Variants in SYN3 observed in about 807,000 individuals in gnomAD.
The protein encoded by SYN3 is synapsin III, also known as synapsin-3.
SYN3 carries 35 observed loss-of-function variants against 65.8 expected under a neutral mutation model. The ratio of observed to expected loss-of-function variants is 0.53; its 90% CI spans 0.41 to 0.70. The LOEUF is 0.70. Ranked by LOEUF, SYN3 falls within the 30% of genes least tolerant of loss-of-function variation. The pLI is 0.00. For synonymous variants in SYN3, 270 were observed against 292.9 expected (o/e 0.92, Z 0.80); for missense variants, 680 against 749.0 (o/e 0.91, Z 1.08).
chr22:32,590,782 T>G (rs2059117224), intron 7 of SYN3, among the ~76,000 whole-genome samples: 1 of 152,262 alleles, frequency 6.6e-6, no homozygotes, highest in Non-Finnish European at 1.5e-5. Flanking sequence ...AAGTTGAGCC[T>G]ATTTTCATCT....
intron 6 of SYN3, among the ~76,000 whole-genome samples, chr22:32,807,389 T>G (rs2046787109): frequency 9.8e-6 from 1 of 102,320 alleles, no homozygotes; most frequent in Non-Finnish European, 1.9e-5. Flanking sequence ...ATATATATTA[T>G]ATATAATATA....
intron 6 of SYN3, among the ~76,000 whole-genome samples, chr22:32,798,913 G>A (rs918838762): frequency 6.6e-6 from 1 of 151,822 alleles, no homozygotes; most frequent in Admixed American, 6.6e-5. Context: ...GGATGGTCTC[G>A]ATCTCCTGAC....
chr22:32,962,801 CATCTATCTATCTATCTATCT>C (rs56349346), intron 3 of SYN3, among the ~76,000 whole-genome samples: 10,091 of 146,540 alleles, frequency 0.069, 1,115 homozygotes, highest in African/African-American at 0.23. Context: ...AGAGTATCGG[CATCTATCTATCTATCTATCT>C]ATCTATCTAT....
chr22:32,892,962 C>G (rs1270881853), intron 4 of SYN3, among the ~76,000 whole-genome samples: 1 of 152,074 alleles, frequency 6.6e-6, no homozygotes, highest in Non-Finnish European at 1.5e-5. Flanking sequence ...TAAAGAGAAG[C>G]TTGGGAGAAG....
At chr22:32,530,770 C>T (rs943944206) in intron 10 of SYN3, among the ~76,000 whole-genome samples, 7 of 151,712 alleles carry the variant, frequency 4.6e-5, no homozygotes, top group South Asian at 2.1e-4. Context: ...TTTGGGAGGC[C>T]GGGGCGGGCG....
At chr22:32,580,811 A>G (rs924657918) in intron 7 of SYN3, among the ~76,000 whole-genome samples, 1 of 152,202 alleles carries the variant, frequency 6.6e-6, no homozygotes, top group Admixed American at 6.5e-5. Flanking sequence ...CAAAGCCTCA[A>G]ATAGGTAGCA....
At chr22:32,741,164 C>A (rs1396753291) in intron 6 of SYN3, among the ~76,000 whole-genome samples, 1 of 152,076 alleles carries the variant, frequency 6.6e-6, no homozygotes, top group East Asian at 1.9e-4. Context: ...CTGGTACTTA[C>A]AGACATGAGC....
At chr22:32,753,655 G>A (rs1006515544) in intron 6 of SYN3, among the ~76,000 whole-genome samples, 1 of 152,258 alleles carries the variant, frequency 6.6e-6, no homozygotes. Context: ...ACACTCCAAA[G>A]GAATCTTTAT....
At chr22:32,860,923 T>C (rs1218280120) in intron 6 of SYN3, 1 of 151,468 alleles carries the variant, frequency 6.6e-6, no homozygotes, top group African/African-American at 2.4e-5. Flanking sequence ...GTTTTTTTTT[T>C]TTTTTTTGAA....
At chr22:32,906,232 C>G (rs2049899008) in intron 4 of SYN3, among the ~76,000 whole-genome samples, 1 of 152,194 alleles carries the variant, frequency 6.6e-6, no homozygotes, top group Non-Finnish European at 1.5e-5. Flanking sequence ...CTGGGACCCT[C>G]TGCAACACAG....
chr22:32,513,671 C>T lies in SYN3; in HGVS notation c.*21G>A, dbSNP rs1033219688. Reference sequence around the variant, plus strand: ...GGGACGAGTGTAGCAGAGCACTCTTCCCCTCCCAGCCTGGATGGCGTTAGT... The same window carrying T: ...GGGACGAGTGTAGCAGAGCACTCTTTCCCTCCCAGCCTGGATGGCGTTAGT... On this transcript the variant is annotated 3_prime_UTR_variant, in exon 14 of 14. Coordinates refer to ENST00000358763, the MANE Select transcript of SYN3 (RefSeq NM_003490.4). 2 of 1,612,966 alleles carry T rather than the reference C, an allele frequency of 1.2e-6. No homozygotes were observed. Among genetic ancestry groups the T allele is most frequent in the East Asian group, 2.2e-5 (1 of 44,876 alleles).
chr22:32,918,732 AG>A (rs764296345), intron 4 of SYN3, among the ~76,000 whole-genome samples: 2 of 152,190 alleles, frequency 1.3e-5, no homozygotes, highest in Non-Finnish European at 2.9e-5. Context: ...GAAATGTTTC[AG>A]GAAGAAGGAG....
intron 6 of SYN3, among the ~76,000 whole-genome samples, chr22:32,604,787 C>T (rs957686173): frequency 2.0e-4 from 30 of 152,032 alleles, no homozygotes; most frequent in Admixed American, 3.3e-4. Context: ...GGGCAGATGA[C>T]GAGGTCAGGA....
intron 6 of SYN3, among the ~76,000 whole-genome samples, chr22:32,643,549 T>TGGGGGGGGG (rs34967500): frequency 2.2e-4 from 1 of 4,518 alleles, no homozygotes; most frequent in Non-Finnish European, 4.3e-4. Flanking sequence ...TTAGAAATGG[T>TGGGGGGGGG]GGGGGGGCGG....
rs112876202 is a variant in SYN3, at chr22:32,955,850, A to G, written c.370-24369T>C. 9.9e-3 allele frequency among the ~76,000 whole-genome samples: 1,498 copies of G among 152,054 alleles called. 22 individuals carry two copies. Among genetic ancestry groups the G allele is most frequent in the African/African-American group, 0.034 (1,429 of 41,428 alleles). On this transcript the variant is annotated intron_variant, in intron 3 of 13. Transcript: ENST00000358763. ...GTGAATATAAAGCAGGCAGAAGAAC[A>G]TGAAAAGGCTAGACTGGCCTAGCCT... is the stretch of plus-strand genomic sequence containing the variant.
At chr22:32,819,673 A>G (rs1186583821) in intron 6 of SYN3, among the ~76,000 whole-genome samples, 2 of 152,128 alleles carry the variant, frequency 1.3e-5, no homozygotes, top group Non-Finnish European at 2.9e-5. Context: ...CTGGACAATC[A>G]AGGACCTGGA....
chr22:32,558,350 T>C (rs2058533418), intron 7 of SYN3, among the ~76,000 whole-genome samples: 1 of 152,230 alleles, frequency 6.6e-6, no homozygotes, highest in African/African-American at 2.4e-5. Flanking sequence ...TAGAGCCTCT[T>C]GGCAATCTTG....
rs536660232 is a variant in SYN3 at position 32,642,720 on chromosome 22, A to G, written c.712-45984T>C. Among the ~76,000 whole-genome samples, 252 of 151,730 alleles carry G rather than the reference A, an allele frequency of 1.7e-3. 3 individuals are homozygous for G. In the East Asian group the frequency reaches 0.038, roughly 23 times the overall value. ...TGGGATTACAAGCGTGAGCCACCGT[A>G]CCCGGCCTTATTTTTATTTTTGAGA... On this transcript the variant is annotated intron_variant, in intron 6 of 13. Coordinates refer to ENST00000358763, the MANE Select transcript of SYN3 (RefSeq NM_003490.4).
At chr22:32,946,059 T>A (rs1007547147) in intron 3 of SYN3, among the ~76,000 whole-genome samples, 1 of 144,380 alleles carries the variant, frequency 6.9e-6, no homozygotes, top group Non-Finnish European at 1.5e-5. Context: ...CTGGAGAGGA[T>A]GTGGAGAAAT....
Sources: gnomAD v4.1 joint callset for allele counts (sites outside exome capture counted in the v4.1 genomes callset) on GRCh38, gnomAD v4.1.1 for gene constraint, MANE v1.5 for transcripts, NCBI Gene and HGNC (gene_info 2026-07-23, HGNC 2026-07-21) for gene names.